Variants in SLC14A2 observed in about 807,000 individuals in gnomAD.
SLC14A2 encodes the protein solute carrier family 14 member 2.
In SLC14A2, 91 loss-of-function variants were observed where a neutral mutation model predicts 104.6. The ratio of observed to expected loss-of-function variants is 0.87; its 90% CI spans 0.73 to 1.04. SLC14A2 has a LOEUF of 1.04. Among genes scored for constraint, SLC14A2 ranks in the 50% least tolerant of loss-of-function variants. SLC14A2 has a pLI of 0.00. For synonymous variants in SLC14A2, 476 were observed against 466.4 expected (o/e 1.02, Z -0.27); for missense variants, 1,189 against 1,156.0 (o/e 1.03, Z -0.41).
intron 1 of SLC14A2, among the ~76,000 whole-genome samples, chr18:45,348,192 G>A (rs2085468392): frequency 1.3e-5 from 2 of 152,240 alleles, no homozygotes; most frequent in Non-Finnish European, 2.9e-5. Flanking sequence ...AGGAAGCCCA[G>A]AGCGGGTAGT....
chr18:45,300,961 C>T (rs2084962808), intron 1 of SLC14A2, among the ~76,000 whole-genome samples: 1 of 152,166 alleles, frequency 6.6e-6, no homozygotes, highest in Admixed American at 6.5e-5. Context: ...GGAGACACTG[C>T]CTGACTGACA....
intron 1 of SLC14A2, among the ~76,000 whole-genome samples, chr18:45,410,008 C>T (rs1024192459): frequency 1.3e-5 from 2 of 152,068 alleles, no homozygotes; most frequent in African/African-American, 4.8e-5. Context: ...TGCTGGGGGG[C>T]AGCGGGTGGT....
At chr18:45,419,246 C>G (rs1049820577) in intron 1 of SLC14A2, among the ~76,000 whole-genome samples, 2 of 152,134 alleles carry the variant, frequency 1.3e-5, no homozygotes, top group Admixed American at 6.5e-5. Flanking sequence ...TGCCGGGAAC[C>G]CAGGGTTCCT....
chr18:45,363,681 G>C (rs2085637877), intron 1 of SLC14A2, among the ~76,000 whole-genome samples: 1 of 152,166 alleles, frequency 6.6e-6, no homozygotes, highest in African/African-American at 2.4e-5. Flanking sequence ...GAAACTCAGA[G>C]GTTTATTCCT....
At chr18:45,546,816 A>G (rs2043977693) in intron 2 of SLC14A2, among the ~76,000 whole-genome samples, 1 of 152,180 alleles carries the variant, frequency 6.6e-6, no homozygotes, top group Non-Finnish European at 1.5e-5. Flanking sequence ...TTGCCAGGCA[A>G]ATACTAAGTT....
At position 45,575,528 on chromosome 18, in the gene SLC14A2, A is replaced by G. The variant is rs2044406663; in HGVS notation, c.-34-49103A>G. Among the ~76,000 whole-genome samples the G allele has an allele frequency of 2.0e-5, 3 of 151,860 alleles. No homozygotes were observed. In the South Asian group the frequency reaches 6.2e-4, roughly 32 times the overall value. ...GGCACCCGCAGATCTAGGGCTTCAGAAGCTCGTCTCATCACTTCCTTTTCA... is the reference window on the plus strand; with the variant it reads ...GGCACCCGCAGATCTAGGGCTTCAGGAGCTCGTCTCATCACTTCCTTTTCA... On this transcript the variant is annotated intron_variant, in intron 2 of 20. Transcript: ENST00000586448.
chr18:45,279,056 G>A (rs1406544291), intron 1 of SLC14A2, among the ~76,000 whole-genome samples: 4 of 152,148 alleles, frequency 2.6e-5, no homozygotes, highest in Non-Finnish European at 2.9e-5. Flanking sequence ...GTTGAATCCT[G>A]CCCAGGCATG....
intron 2 of SLC14A2, among the ~76,000 whole-genome samples, chr18:45,503,169 C>T (rs186954935): frequency 1.3e-5 from 2 of 152,160 alleles, no homozygotes; most frequent in East Asian, 3.9e-4. Flanking sequence ...CAGATTGATG[C>T]TGCAGGGGAG....
intron 1 of SLC14A2, among the ~76,000 whole-genome samples, chr18:45,435,521 T>TTC (rs2086582451): frequency 6.6e-6 from 1 of 152,206 alleles, no homozygotes; most frequent in Non-Finnish European, 1.5e-5. Context: ...CTAGATTGAG[T>TTC]TCTCTTTTAA....
chr18:45,643,449 G>A (rs2045565674), intron 9 of SLC14A2, among the ~76,000 whole-genome samples: 1 of 152,210 alleles, frequency 6.6e-6, no homozygotes, highest in Admixed American at 6.5e-5. Flanking sequence ...ATGGAGCTGT[G>A]TGACTGGACA....
intron 2 of SLC14A2, among the ~76,000 whole-genome samples, chr18:45,534,278 A>G (rs1321126739): frequency 3.9e-5 from 6 of 152,176 alleles, no homozygotes; most frequent in Non-Finnish European, 7.3e-5. Context: ...GGATGATTCT[A>G]CAGTGGAGTG....
At chr18:45,412,043 G>C (rs1385809702) in intron 1 of SLC14A2, among the ~76,000 whole-genome samples, 1 of 152,112 alleles carries the variant, frequency 6.6e-6, no homozygotes, top group Non-Finnish European at 1.5e-5. Context: ...ATCAGTATCT[G>C]TCTCCCCAAA....
In SLC14A2 at chr18:45,309,428, A is replaced by G. The variant is rs974302070; in HGVS notation, c.-125+96237A>G. On this transcript the variant is annotated intron_variant, in intron 1 of 20. Transcript: ENST00000586448. ...CAGCCTCCAATTCCTGGGCTCAAGC[A>G]ATCCTCTTTCCTTGATTCCCATTGT... is the stretch of plus-strand genomic sequence containing the variant. 4.6e-5 allele frequency among the ~76,000 whole-genome samples: 7 copies of G among 151,920 alleles called. No individual in the cohort carries two copies. The South Asian group carries it at 1.5e-3, about 32-fold the overall frequency.
chr18:45,518,355 C>T (rs1004771424), intron 2 of SLC14A2, among the ~76,000 whole-genome samples: 1 of 152,068 alleles, frequency 6.6e-6, no homozygotes, highest in Admixed American at 6.6e-5. Flanking sequence ...TTACATGTAC[C>T]CAGTGTCAAA....
chr18:45,231,418 G>T lies in SLC14A2; in HGVS notation c.-125+18227G>T, dbSNP rs145342101. ...AGCTCTTGCTGTGTAGTCCAGGCAG[G>T]TCTTGAACCCCTGGCCTCAAGCGAT... On this transcript the variant is annotated intron_variant, in intron 1 of 20. Transcript: ENST00000586448. 2.0e-4 allele frequency among the ~76,000 whole-genome samples: 30 copies of T among 152,212 alleles called. 1 individual carries two copies. In the East Asian group the frequency reaches 5.8e-3, roughly 29 times the overall value.
At chr18:45,555,785 G>A (rs923651199) in intron 2 of SLC14A2, among the ~76,000 whole-genome samples, 2 of 152,130 alleles carry the variant, frequency 1.3e-5, no homozygotes, top group Non-Finnish European at 2.9e-5. Context: ...GGTCGCCAAG[G>A]GCTGGGTAAC....
At chr18:45,544,552 T>C (rs1232666533) in intron 2 of SLC14A2, among the ~76,000 whole-genome samples, 2 of 152,114 alleles carry the variant, frequency 1.3e-5, no homozygotes, top group Non-Finnish European at 2.9e-5. Flanking sequence ...GTGGTTATTT[T>C]AAACATTTAG....
chr18:45,197,348 T>C, the SLC14A2 span, among the ~76,000 whole-genome samples: 1 of 152,208 alleles, frequency 6.6e-6, no homozygotes, highest in South Asian at 2.1e-4. Context: ...ACCTTCTATG[T>C]TCAGATTTTG....
At chr18:45,624,877 AG>A in intron 2 of SLC14A2, 63 bp downstream of exon 2, 1 of 1,510,916 alleles carries the variant, frequency 6.6e-7, no homozygotes, top group Non-Finnish European at 9.0e-7. Context: ...TGGGGGCAAA[AG>A]ATGCCGCTTT....
Sources: gnomAD v4.1 joint callset for allele counts (sites outside exome capture counted in the v4.1 genomes callset) on GRCh38, gnomAD v4.1.1 for gene constraint, MANE v1.5 for transcripts, NCBI Gene and HGNC (gene_info 2026-07-23, HGNC 2026-07-21) for gene names.